USP10: variants seen among roughly 807,000 people sequenced by gnomAD.
USP10 encodes the protein ubiquitin carboxyl-terminal hydrolase 10.
A neutral mutation model predicts 84.5 loss-of-function variants in USP10; 22 were observed. That is an observed-to-expected ratio of 0.26 (90% CI 0.19 to 0.37). The LOEUF (loss-of-function observed/expected upper bound fraction) is 0.37. USP10 is among the 10% of genes least tolerant of loss of function. USP10 has a pLI of 1.00. For synonymous variants in USP10, 454 were observed against 387.6 expected, an observed-to-expected ratio of 1.17 and a Z score of -2.01; for missense variants, 1,019 against 998.9, an observed-to-expected ratio of 1.02 and a Z score of -0.27.
chr16:84,717,490 TA>T (rs2150772689), intron 1 of USP10, among the ~76,000 whole-genome samples: 1 of 152,374 alleles, frequency 6.6e-6, no homozygotes, highest in East Asian at 1.9e-4. Context: ...AACTGCTTTT[TA>T]ATGTCCTTTT....
At position 84,734,897 on chromosome 16, in the gene USP10, G is replaced by GA. The variant is rs202133795; in HGVS notation, c.90+1394_90+1395insA. ...CCTCCTCACCATTCATTGGGAACTCGGCCCTTAGCTGTCCTGTCAGCCCCG... is the reference window on the plus strand; with the variant it reads ...CCTCCTCACCATTCATTGGGAACTCGAGCCCTTAGCTGTCCTGTCAGCCCCG... On this transcript the variant is annotated intron_variant, in intron 2 of 13. Transcript: ENST00000219473. 2.1e-3 allele frequency among the ~76,000 whole-genome samples: 316 copies of GA among 152,254 alleles called. 7 individuals carry two copies. The East Asian group carries it at 0.052, about 25-fold the overall frequency.
intron 1 of USP10, among the ~76,000 whole-genome samples, chr16:84,714,084 G>A (rs2150766967): frequency 6.6e-6 from 1 of 152,316 alleles, no homozygotes; most frequent in South Asian, 2.1e-4. Context: ...CAGCTCTGTG[G>A]TGGCCACATG....
At chr16:84,726,343 C>T (rs138056463) in intron 1 of USP10, among the ~76,000 whole-genome samples, 52 of 152,336 alleles carry the variant, frequency 3.4e-4, no homozygotes, top group Middle Eastern at 3.4e-3. Context: ...TTCTCCTTCT[C>T]GCCTTCCTTG....
rs142204134 is a variant in USP10 at position 84,712,013 on chromosome 16, C to T, written c.21+11902C>T. Reference sequence around the variant, plus strand: ...GGGGTTACAGGCATGAGCCACCGCGCCCGGTGGCTTTTGCTTTTTAAGGTG... The same window carrying T: ...GGGGTTACAGGCATGAGCCACCGCGTCCGGTGGCTTTTGCTTTTTAAGGTG... On this transcript the variant is annotated intron_variant, in intron 1 of 13. Transcript: ENST00000219473. 4.8e-3 allele frequency among the ~76,000 whole-genome samples: 725 copies of T among 152,276 alleles called. 9 individuals are homozygous for T. Among genetic ancestry groups the T allele is most frequent in the African/African-American group, 0.017 (697 of 41,540 alleles).
chr16:84,758,664 G>A, intron 4 of USP10, 52 bp from the exon 5 acceptor site: 1 of 1,269,412 alleles, frequency 7.9e-7, no homozygotes, highest in Non-Finnish European at 1.2e-6. Flanking sequence ...TGATTTGAAT[G>A]TTCTTCACTA....
chr16:84,768,741 T>G (rs1914122637), intron 11 of USP10, among the ~76,000 whole-genome samples: 1 of 152,226 alleles, frequency 6.6e-6, no homozygotes, highest in African/African-American at 2.4e-5. Context: ...TCAGAGAGAT[T>G]CCAGACACAT....
At chr16:84,757,112 GC>G (rs1475929749) in intron 4 of USP10, among the ~76,000 whole-genome samples, 31 of 152,246 alleles carry the variant, frequency 2.0e-4, no homozygotes, top group African/African-American at 7.0e-4. Flanking sequence ...AAAGCTTCTA[GC>G]ACAGTGTCCC....
At chr16:84,740,435 CCTG>C (rs1910493199) in intron 3 of USP10, 66 bp downstream of exon 3, 1 of 1,293,276 alleles carries the variant, frequency 7.7e-7, no homozygotes, top group East Asian at 2.4e-5. Flanking sequence ...GGGCAGGCTA[CCTG>C]TAAACATTGT....
At chr16:84,772,736 T>C in intron 12 of USP10, 51 bp downstream of exon 12, 1 of 1,603,056 alleles carries the variant, frequency 6.2e-7, no homozygotes, top group Non-Finnish European at 8.5e-7. Flanking sequence ...CTCCTGCACA[T>C]CAGAAGCTCA....
intron 1 of USP10, among the ~76,000 whole-genome samples, chr16:84,719,847 A>G (rs7187994): frequency 0.2 from 31,003 of 152,232 alleles, 3,842 homozygotes; most frequent in East Asian, 0.38. Flanking sequence ...TTTGGAGGGC[A>G]TGTTTCGACA....
intron 12 of USP10, among the ~76,000 whole-genome samples, chr16:84,774,934 C>T (rs572992851): frequency 2.0e-5 from 3 of 152,174 alleles, no homozygotes; most frequent in Non-Finnish European, 4.4e-5. Context: ...TCGGCCGTTG[C>T]TCCTGTTTCT....
chr16:84,703,265 T>C (rs916553301), intron 1 of USP10, among the ~76,000 whole-genome samples: 6 of 152,184 alleles, frequency 3.9e-5, no homozygotes, highest in Non-Finnish European at 7.3e-5. Context: ...GGTAATTAAT[T>C]TGAAGCTATT....
chr16:84,714,077 C>A (rs151196747), intron 1 of USP10, among the ~76,000 whole-genome samples: 67 of 152,278 alleles, frequency 4.4e-4, no homozygotes, highest in South Asian at 2.9e-3. Context: ...TGAGAGACAG[C>A]TCTGTGGTGG....
At chr16:84,749,574 T>TA (rs35825970) in intron 4 of USP10, among the ~76,000 whole-genome samples, 138 of 146,592 alleles carry the variant, frequency 9.4e-4, no homozygotes, top group Admixed American at 1.4e-3. Context: ...ACCCCATCTT[T>TA]AAAAAAAAAA....
intron 4 of USP10, among the ~76,000 whole-genome samples, chr16:84,757,408 T>G (rs1176579194): frequency 4.2e-5 from 3 of 71,228 alleles, no homozygotes; most frequent in South Asian, 7.5e-4. Context: ...TGGGGGTGTG[T>G]GTGTGTGTGT....
At chr16:84,738,071 G>A (rs895171563) in intron 2 of USP10, among the ~76,000 whole-genome samples, 4 of 145,700 alleles carry the variant, frequency 2.7e-5, no homozygotes, top group Non-Finnish European at 4.5e-5. Context: ...GGAAGATGGT[G>A]AGCAGGGTTC....
At chr16:84,752,878 G>T (rs1912097670) in intron 4 of USP10, among the ~76,000 whole-genome samples, 1 of 152,164 alleles carries the variant, frequency 6.6e-6, no homozygotes, top group Non-Finnish European at 1.5e-5. Context: ...TGAGTGTTTG[G>T]ATCTTAAGAG....
chr16:84,768,547 T>G lies in USP10; in HGVS notation c.1998+189T>G, dbSNP rs370283774. 2.6e-5 allele frequency among the ~76,000 whole-genome samples: 4 copies of G among 152,352 alleles called. No individual in the cohort carries two copies. In the South Asian group the frequency reaches 8.3e-4, roughly 32 times the overall value. On this transcript the variant is annotated intron_variant, in intron 11 of 13. Coordinates refer to ENST00000219473, the MANE Select transcript of USP10 (RefSeq NM_005153.3). Reference sequence around the variant, plus strand: ...GAAACGTGATCCCAAGGGCCTCTTTTAGCTCTAAATCATATTACACAAGGT... The same window carrying G: ...GAAACGTGATCCCAAGGGCCTCTTTGAGCTCTAAATCATATTACACAAGGT...
At chr16:84,778,526 A>G (rs1206612549) in intron 13 of USP10, among the ~76,000 whole-genome samples, 5 of 152,234 alleles carry the variant, frequency 3.3e-5, no homozygotes, top group Admixed American at 3.3e-4. Flanking sequence ...TCTTCAGGAC[A>G]GTCTAGAAGT....
Sources: gnomAD v4.1 joint callset for allele counts (sites outside exome capture counted in the v4.1 genomes callset) on GRCh38, gnomAD v4.1.1 for gene constraint, MANE v1.5 for transcripts, NCBI Gene and HGNC (gene_info 2026-07-23, HGNC 2026-07-21) for gene names.